The following TUBAL3 variants were observed in gnomAD, a reference collection of about 807,000 sequenced individuals.
The protein encoded by TUBAL3 is tubulin alpha chain-like 3.
A neutral mutation model predicts 15.5 loss-of-function variants in TUBAL3; 16 were observed. The observed-to-expected ratio is 1.04, with a 90% CI of 0.70 to 1.57. TUBAL3 has a LOEUF of 1.57. TUBAL3 is among the 40% of genes most tolerant of loss of function. The pLI is 0.00. For missense variants in TUBAL3, 609 were observed against 576.2 expected (o/e 1.06, Z -0.58); for synonymous variants, 238 against 224.3 (o/e 1.06, Z -0.55).
chr10:5,404,219 G>C (rs9630122), intron 1 of TUBAL3, among the ~76,000 whole-genome samples: 99,101 of 152,030 alleles, frequency 0.65, 32,515 homozygotes, highest in Admixed American at 0.72. Flanking sequence ...AAAATTCAAA[G>C]ATACTGAAAA....
chr10:5,402,702 T>C (rs989753883), intron 1 of TUBAL3, among the ~76,000 whole-genome samples: 3 of 152,272 alleles, frequency 2.0e-5, no homozygotes, highest in Non-Finnish European at 4.4e-5. Flanking sequence ...CTCTGCCTCC[T>C]GTCGGATCAG....
At chr10:5,401,759 CACTT>C (rs1358728909) in intron 1 of TUBAL3, among the ~76,000 whole-genome samples, 1 of 151,026 alleles carries the variant, frequency 6.6e-6, no homozygotes, top group African/African-American at 2.4e-5. Flanking sequence ...TAAAAAAAAA[CACTT>C]AAGACATCCA....
chr10:5,396,477 T>G lies in TUBAL3; in HGVS notation c.248-1002A>C, dbSNP rs777566115. Among the ~76,000 whole-genome samples the G allele has an allele frequency of 3.9e-5, 6 of 152,084 alleles. No homozygotes were observed. Among genetic ancestry groups the G allele is most frequent in the Non-Finnish European group, 8.8e-5 (6 of 68,032 alleles). On this transcript the variant is annotated intron_variant, in intron 2 of 3. Coordinates refer to ENST00000380419, the MANE Select transcript of TUBAL3 (RefSeq NM_024803.3). The surrounding 1 kb of genome is among the most constrained non-coding windows in gnomAD (Gnocchi z 5.1). Reference sequence around the variant, plus strand: ...GAGATCACGCCATCGCACTCCAGCCTGGGCAACAAGAGTGAAATTCTGTCT... The same window carrying G: ...GAGATCACGCCATCGCACTCCAGCCGGGGCAACAAGAGTGAAATTCTGTCT...
rs1475779535 is a variant in TUBAL3, at chr10:5,396,634, G to A, written c.248-1159C>T. Among the ~76,000 whole-genome samples, 1 of 152,358 alleles carries A rather than the reference G, an allele frequency of 6.6e-6. No individual in the cohort carries two copies. Among genetic ancestry groups the A allele is most frequent in the Admixed American group, 6.5e-5 (1 of 15,306 alleles). On this transcript the variant is annotated intron_variant, in intron 2 of 3. Coordinates refer to ENST00000380419, the MANE Select transcript of TUBAL3 (RefSeq NM_024803.3). This position sits in a 1 kb window ranked among gnomAD's most constrained non-coding sequence, Gnocchi z 5.1. ...AATGCCCACACGACCCAAATGCTGA[G>A]TGCATAAATGCATGACGCAGGACAA...
intron 2 of TUBAL3, among the ~76,000 whole-genome samples, chr10:5,399,368 G>T (rs1831814553): frequency 6.6e-6 from 1 of 152,252 alleles, no homozygotes; most frequent in Admixed American, 6.5e-5. Flanking sequence ...CTTCATTATG[G>T]GATTAGGGCC....
At position 5,393,488 on chromosome 10, in the gene TUBAL3, G is replaced by A. The variant is rs782587083; in HGVS notation, c.*29C>T. On this transcript the variant is annotated 3_prime_UTR_variant, in exon 4 of 4. Coordinates refer to ENST00000380419, the MANE Select transcript of TUBAL3 (RefSeq NM_024803.3). Reference sequence around the variant, plus strand: ...AAAAGAAAACATGCCATTTTAACTTGACATTCATTTGCACCCATCATACAT... The same window carrying A: ...AAAAGAAAACATGCCATTTTAACTTAACATTCATTTGCACCCATCATACAT... 12 of 1,536,062 alleles carry A rather than the reference G, an allele frequency of 7.8e-6. No individual in the cohort carries two copies. The highest frequency in any genetic ancestry group is 1.1e-5 in the Non-Finnish European group (12 of 1,138,322).
At chr10:5,403,102 A>G (rs1831880968) in intron 1 of TUBAL3, among the ~76,000 whole-genome samples, 1 of 152,244 alleles carries the variant, frequency 6.6e-6, no homozygotes, top group Non-Finnish European at 1.5e-5. Context: ...CTACCTTAGT[A>G]GGGCTTCCAT....
intron 1 of TUBAL3, 68 bp from the exon 2 acceptor site, chr10:5,401,155 C>T: frequency 6.3e-7 from 1 of 1,579,018 alleles, no homozygotes. Flanking sequence ...TTACTCAGCC[C>T]TTCTGGTTAC....
chr10:5,403,511 A>G (rs569305828), intron 1 of TUBAL3, among the ~76,000 whole-genome samples: 9 of 151,480 alleles, frequency 5.9e-5, no homozygotes, highest in Admixed American at 4.6e-4. Context: ...GTATTTGTTC[A>G]TAATAGTCAC....
At chr10:5,404,349 A>C (rs1253357403) in intron 1 of TUBAL3, among the ~76,000 whole-genome samples, 1 of 152,226 alleles carries the variant, frequency 6.6e-6, no homozygotes, top group South Asian at 2.1e-4. Flanking sequence ...GAGGGCAAAG[A>C]AGATGTCTGC....
intron 2 of TUBAL3, among the ~76,000 whole-genome samples, chr10:5,400,282 T>C (rs531268925): frequency 6.6e-6 from 1 of 152,308 alleles, no homozygotes; most frequent in African/African-American, 2.4e-5. Flanking sequence ...TGTTCTATTA[T>C]GATATATGTG....
chr10:5,398,289 A>G (rs1313677344), intron 2 of TUBAL3, among the ~76,000 whole-genome samples: 3 of 151,938 alleles, frequency 2.0e-5, no homozygotes, highest in Non-Finnish European at 2.9e-5. Context: ...GCATGGTGAC[A>G]TGTGCCTGTA....
intron 2 of TUBAL3, among the ~76,000 whole-genome samples, chr10:5,400,340 G>A (rs528434192): frequency 6.6e-6 from 1 of 152,268 alleles, no homozygotes; most frequent in South Asian, 2.1e-4. Context: ...AGGTAAAGAA[G>A]GCTAACCTAG....
chr10:5,399,927 A>T (rs565551705), intron 2 of TUBAL3, among the ~76,000 whole-genome samples: 1 of 152,314 alleles, frequency 6.6e-6, no homozygotes, highest in Non-Finnish European at 1.5e-5. Context: ...TTAAACCACT[A>T]AATGTAGGGG....
Position 5,393,832 on chromosome 10 carries a change from C to A in TUBAL3, c.1026G>T (p.Thr342=). The stretch of plus-strand genomic sequence containing the variant: ...CAAACTGAACAGAGTGCCTCGACTT[C>A]GTGGCTGCGATTGCTGCATTCACTT... The part of the protein sequence containing the change: ...PKEVNAAIAA[T]KSRHSVQFVD... Residue 342 remains threonine (T), a synonymous_variant, in exon 4 of 4, where the codon ACG becomes ACT. Coordinates refer to ENST00000380419, the MANE Select transcript of TUBAL3 (RefSeq NM_024803.3). The A allele has an allele frequency of 1.2e-6, 2 of 1,614,204 alleles. No individual in the cohort carries two copies. The highest frequency in any genetic ancestry group is 1.7e-6 in the Non-Finnish European group (2 of 1,180,038).
rs782136979 is a variant in TUBAL3 at position 5,404,807 on chromosome 10, G to T, written c.-15C>A. Reference sequence around the variant, plus strand: ...TCACTTACCATGCTGATGAGAACGTGCCCTTCCTGCCCTGTAGTAATGACT... The same window carrying T: ...TCACTTACCATGCTGATGAGAACGTTCCCTTCCTGCCCTGTAGTAATGACT... On this transcript the variant is annotated 5_prime_UTR_variant, in exon 1 of 4. Transcript: ENST00000380419. The T allele has an allele frequency of 6.2e-7, 1 of 1,613,310 alleles. No individual in the cohort carries two copies. Among genetic ancestry groups the T allele is most frequent in the Non-Finnish European group, 8.5e-7 (1 of 1,179,540 alleles).
At chr10:5,399,604 C>A (rs1406112728) in intron 2 of TUBAL3, among the ~76,000 whole-genome samples, 1 of 152,196 alleles carries the variant, frequency 6.6e-6, no homozygotes, top group African/African-American at 2.4e-5. Context: ...GGCATCTTCA[C>A]GTCGAAGGCA....
Position 5,395,220 on chromosome 10 carries a change from G to T in TUBAL3, c.396+107C>A. The T allele has an allele frequency of 8.1e-7, 1 of 1,228,376 alleles. No homozygotes were observed. The highest frequency in any genetic ancestry group is 1.1e-6 in the Non-Finnish European group (1 of 922,200). 76.1% of individuals were successfully genotyped at this position (1,228,376 alleles called of 1,614,324 possible). On this transcript the variant is annotated intron_variant, in intron 3 of 3. Transcript: ENST00000380419. The surrounding 1 kb of genome is among the most constrained non-coding windows in gnomAD (Gnocchi z 4.6). ...GAGCACCCAGACCAGAGCCCAGGGA[G>T]AGACGGTTGGTGGCGATGGTGACAG... is the stretch of plus-strand genomic sequence containing the variant.
intron 2 of TUBAL3, among the ~76,000 whole-genome samples, chr10:5,398,518 G>C (rs1348299191): frequency 6.6e-6 from 1 of 151,014 alleles, no homozygotes; most frequent in Admixed American, 6.6e-5. Context: ...AAGACTGCTT[G>C]AGCCCAGGAG....
Sources: allele counts gnomAD v4.1 joint callset (sites outside exome capture counted in the v4.1 genomes callset), GRCh38; gene constraint gnomAD v4.1.1; non-coding constraint Gnocchi (gnomAD v3.1); transcripts MANE v1.5; gene names NCBI Gene and HGNC (gene_info 2026-07-23, HGNC 2026-07-21).